Variants in NCALD observed in about 807,000 individuals in gnomAD.
NCALD encodes the protein neurocalcin delta.
Under a neutral mutation model 18.6 loss-of-function variants are expected in NCALD, and 10 were observed. The ratio of observed to expected loss-of-function variants is 0.54; its 90% CI spans 0.33 to 0.91. The LOEUF (loss-of-function observed/expected upper bound fraction) is 0.91, where lower values mean the gene tolerates loss of function less well. Among genes scored for constraint, NCALD ranks in the 40% least tolerant of loss-of-function variants. The probability of loss-of-function intolerance (pLI) is 0.03; values close to 1 mark genes in which losing one functional copy is unlikely to be tolerated. For synonymous variants in NCALD, 88 were observed against 87.4 expected (o/e 1.01, Z -0.04); for missense variants, 184 against 247.6 (o/e 0.74, Z 1.72).
intron 4 of NCALD, among the ~76,000 whole-genome samples, chr8:101,843,297 T>C (rs1814720405): frequency 6.6e-6 from 1 of 152,240 alleles, no homozygotes; most frequent in Non-Finnish European, 1.5e-5. Flanking sequence ...GGATTTGCTG[T>C]GGGAACTTCT....
intron 2 of NCALD, among the ~76,000 whole-genome samples, chr8:101,951,523 G>C (rs1819422066): frequency 6.6e-6 from 1 of 152,162 alleles, no homozygotes; most frequent in South Asian, 2.1e-4. Flanking sequence ...CTCTGCCTCA[G>C]ATGGGGCTTG....
At chr8:101,807,323 A>G (rs1813141706) in intron 4 of NCALD, among the ~76,000 whole-genome samples, 1 of 152,150 alleles carries the variant, frequency 6.6e-6, no homozygotes, top group South Asian at 2.1e-4. Context: ...TGTATATTGG[A>G]GTTGTAAAGT....
At chr8:102,009,176 T>C (rs545350769) in intron 2 of NCALD, among the ~76,000 whole-genome samples, 1 of 152,296 alleles carries the variant, frequency 6.6e-6, no homozygotes, top group East Asian at 1.9e-4. Context: ...GCAATAGAAA[T>C]TAATGACTTA....
At chr8:101,758,633 C>A (rs1810984616) in intron 1 of NCALD, among the ~76,000 whole-genome samples, 1 of 152,118 alleles carries the variant, frequency 6.6e-6, no homozygotes, top group Admixed American at 6.5e-5. Context: ...GTCTTCTGTC[C>A]CCATGTGTCC....
intron 1 of NCALD, among the ~76,000 whole-genome samples, chr8:102,085,760 A>C (rs2132351570): frequency 6.6e-6 from 1 of 152,206 alleles, no homozygotes; most frequent in East Asian, 1.9e-4. Context: ...TTTAAAAAAA[A>C]AAAAAAAAGT....
intron 4 of NCALD, among the ~76,000 whole-genome samples, chr8:101,884,347 A>G (rs1222460998): frequency 6.6e-6 from 1 of 151,924 alleles, no homozygotes; most frequent in East Asian, 1.9e-4. Flanking sequence ...TTCACTCCCA[A>G]CCCCACTCTT....
chr8:101,880,381 C>T (rs1182501690), intron 4 of NCALD, among the ~76,000 whole-genome samples: 2 of 152,284 alleles, frequency 1.3e-5, no homozygotes, highest in African/African-American at 2.4e-5. Context: ...TTCCCACTGG[C>T]GCCTCTCCCT....
At chr8:101,943,284 CCAA>C (rs1819027837) in intron 2 of NCALD, among the ~76,000 whole-genome samples, 2 of 152,164 alleles carry the variant, frequency 1.3e-5, no homozygotes, top group Admixed American at 1.3e-4. Context: ...TAGAACTTTA[CCAA>C]CAACCAGTTG....
chr8:102,054,371 G>A (rs970476940), intron 1 of NCALD, among the ~76,000 whole-genome samples: 1 of 152,092 alleles, frequency 6.6e-6, no homozygotes, highest in Non-Finnish European at 1.5e-5. Flanking sequence ...GATTACCCTT[G>A]ATAATGTGGG....
At chr8:101,834,885 G>A (rs1814344247) in intron 4 of NCALD, among the ~76,000 whole-genome samples, 1 of 152,192 alleles carries the variant, frequency 6.6e-6, no homozygotes. Context: ...AAAGTTAAAG[G>A]TAAGTGGCTT....
chr8:101,793,907 T>A (rs183187817), upstream of NCALD, among the ~76,000 whole-genome samples: 117 of 152,184 alleles, frequency 7.7e-4, no homozygotes, highest in Admixed American at 3.8e-3. Flanking sequence ...AACTAACAGG[T>A]GGTTTGGGTC....
At chr8:101,741,335 A>T (rs1261360931) in intron 1 of NCALD, among the ~76,000 whole-genome samples, 1 of 152,218 alleles carries the variant, frequency 6.6e-6, no homozygotes, top group East Asian at 1.9e-4. Context: ...AGACAAGCTT[A>T]TTAGTACACA....
At chr8:101,962,684 T>C (rs1289745923) in intron 2 of NCALD, among the ~76,000 whole-genome samples, 3 of 152,190 alleles carry the variant, frequency 2.0e-5, no homozygotes, top group Admixed American at 1.3e-4. Flanking sequence ...GTAATTAACA[T>C]GCACACTAAA....
At chr8:101,809,549 T>C (rs978961889) in intron 4 of NCALD, among the ~76,000 whole-genome samples, 15 of 152,132 alleles carry the variant, frequency 9.9e-5, no homozygotes, top group African/African-American at 3.1e-4. Flanking sequence ...CTTTTTTAAT[T>C]TCTATTTATT....
chr8:102,016,573 C>T (rs2132084950), intron 2 of NCALD, among the ~76,000 whole-genome samples: 1 of 152,272 alleles, frequency 6.6e-6, no homozygotes, highest in South Asian at 2.1e-4. Context: ...CAGTCCACCA[C>T]TGGAGAACTT....
chr8:101,822,662 A>G (rs1244774980), intron 4 of NCALD, among the ~76,000 whole-genome samples: 1 of 152,242 alleles, frequency 6.6e-6, no homozygotes, highest in Non-Finnish European at 1.5e-5. Flanking sequence ...CAGCAGCAGC[A>G]GTAGCAGCAG....
chr8:101,911,020 C>A (rs574546498), intron 3 of NCALD, among the ~76,000 whole-genome samples: 3 of 152,096 alleles, frequency 2.0e-5, no homozygotes, highest in Non-Finnish European at 4.4e-5. Context: ...TAATCTACTT[C>A]CTATTTTCAA....
chr8:101,716,154 T>G (rs1429753442), intron 2 of NCALD, among the ~76,000 whole-genome samples: 1 of 152,102 alleles, frequency 6.6e-6, no homozygotes, highest in African/African-American at 2.4e-5. Flanking sequence ...AAAGAATAAA[T>G]TCATGTCCTT....
chr8:101,720,781 T>C (rs1195087567), intron 1 of NCALD, among the ~76,000 whole-genome samples: 1 of 152,236 alleles, frequency 6.6e-6, no homozygotes, highest in East Asian at 1.9e-4. Flanking sequence ...GTATAAAAAG[T>C]GCTTCTCATT....
Sources: gnomAD v4.1 joint callset for allele counts (sites outside exome capture counted in the v4.1 genomes callset) on GRCh38, gnomAD v4.1.1 for gene constraint, MANE v1.5 for transcripts, NCBI Gene and HGNC (gene_info 2026-07-23, HGNC 2026-07-21) for gene names.